RIN2: variants seen among roughly 807,000 people sequenced by gnomAD.
RIN2 encodes Ras and Rab interactor 2.
A neutral mutation model predicts 78.0 loss-of-function variants in RIN2; 36 were observed. The ratio of observed to expected loss-of-function variants is 0.46; its 90% CI spans 0.35 to 0.61. RIN2 has a LOEUF of 0.61. Among genes scored for constraint, RIN2 ranks in the 20% least tolerant of loss-of-function variants. The probability of loss-of-function intolerance (pLI) is 0.00; values close to 1 mark genes in which losing one functional copy is unlikely to be tolerated. For missense variants in RIN2, 1,087 were observed against 1,159.7 expected (o/e 0.94, Z 0.91); for synonymous variants, 466 against 466.8 (o/e 1.00, Z 0.02).
intron 3 of RIN2, among the ~76,000 whole-genome samples, chr20:19,927,077 G>A (rs1391001313): frequency 1.3e-5 from 2 of 152,114 alleles, no homozygotes; most frequent in Admixed American, 1.3e-4. Flanking sequence ...GAGCAGACAG[G>A]CAGGAGGAGA....
At chr20:19,836,465 G>A (rs1446628287) in intron 2 of RIN2, among the ~76,000 whole-genome samples, 1 of 152,060 alleles carries the variant, frequency 6.6e-6, no homozygotes, top group Non-Finnish European at 1.5e-5. Context: ...AGAAAAATTG[G>A]ACTAATTAGA....
At chr20:19,997,511 C>T (rs2043008079) in intron 12 of RIN2, among the ~76,000 whole-genome samples, 1 of 152,192 alleles carries the variant, frequency 6.6e-6, no homozygotes, top group African/African-American at 2.4e-5. Flanking sequence ...GTAATCCCAG[C>T]ACTTTGGGAG....
At chr20:19,950,607 T>A (rs539401408) in intron 4 of RIN2, among the ~76,000 whole-genome samples, 2 of 152,302 alleles carry the variant, frequency 1.3e-5, no homozygotes, top group African/African-American at 4.8e-5. Context: ...TTCAAACATG[T>A]TTATACTTTG....
rs1468512784 is a variant in RIN2 at position 19,889,145 on chromosome 20, C to G, written c.-36-421C>G. On this transcript the variant is annotated intron_variant, in intron 2 of 12. Transcript: ENST00000255006. ...GCAGAGCTAAGGATGACCTCACCCC[C>G]TTCCAGCAGGATTTCCTGGGATGTA... 7 of 985,356 alleles carry G rather than the reference C, an allele frequency of 7.1e-6. No individual in the cohort carries two copies. In the African/African-American group the frequency reaches 1.2e-4, roughly 17 times the overall value. 61.0% of individuals were successfully genotyped at this position (985,356 alleles called of 1,614,324 possible).
Position 19,975,755 on chromosome 20 carries a change from C to G in RIN2, c.1730C>G (p.Pro577Arg), listed in dbSNP as rs781233351. ...YLSQSSELDPPIESLIPEDQI... is the reference protein window; with the variant it reads ...YLSQSSELDPRIESLIPEDQI... Reference sequence around the variant, plus strand: ...TCTCAGAGCTCGGAGCTGGACCCCCCCATCGAGTCGCTGATCCCTGAAGAC... The same window carrying G: ...TCTCAGAGCTCGGAGCTGGACCCCCGCATCGAGTCGCTGATCCCTGAAGAC... Residue 577 changes from proline (P) to arginine (R), a missense_variant, in exon 9 of 13, where the codon CCC (proline) becomes CGC (arginine). Physicochemically the swap from Pro to Arg is moderately radical, Grantham distance 103. This residue lies in a region of RIN2 where 39 missense variants were observed against 34.9 expected (regional missense o/e 1.12). Transcript: ENST00000255006. The surrounding 1 kb of genome is among the most constrained non-coding windows in gnomAD (Gnocchi z 4.9). 3.7e-6 allele frequency: 6 copies of G among 1,612,022 alleles called. No individual in the cohort carries two copies. In the Admixed American group the frequency reaches 5.0e-5, roughly 13 times the overall value.
At chr20:19,938,229 T>C (rs1315134152) in intron 4 of RIN2, among the ~76,000 whole-genome samples, 1 of 152,104 alleles carries the variant, frequency 6.6e-6, no homozygotes, top group Non-Finnish European at 1.5e-5. Context: ...TTTTTGTTTG[T>C]TTGTTTTGAG....
chr20:19,997,557 G>A (rs768726249), intron 12 of RIN2, among the ~76,000 whole-genome samples: 2 of 152,118 alleles, frequency 1.3e-5, no homozygotes, highest in Non-Finnish European at 2.9e-5. Flanking sequence ...TCAGGAATTC[G>A]AGACCAGCCT....
intron 1 of RIN2, among the ~76,000 whole-genome samples, chr20:19,769,390 C>T (rs1214205191): frequency 6.6e-6 from 1 of 152,104 alleles, no homozygotes; most frequent in East Asian, 1.9e-4. Context: ...ACAGCACACA[C>T]CCTCACCACC....
At chr20:19,778,745 G>T (rs1403134193) in intron 1 of RIN2, among the ~76,000 whole-genome samples, 3 of 152,162 alleles carry the variant, frequency 2.0e-5, no homozygotes, top group African/African-American at 4.8e-5. Flanking sequence ...TTGGAGGAAG[G>T]ACACCTGTTC....
Position 19,975,765 on chromosome 20 carries a change from G to A in RIN2, c.1740G>A (p.Ser580=). The stretch of plus-strand genomic sequence containing the variant: ...CGGAGCTGGACCCCCCCATCGAGTC[G>A]CTGATCCCTGAAGACCAAATAGGTA... ...QSSELDPPIE[S]LIPEDQIDVV... The change falls in exon 9 of 13, where the codon TCG becomes TCA. Residue 580 remains serine, a synonymous_variant. Transcript: ENST00000255006. The surrounding 1 kb of genome is among the most constrained non-coding windows in gnomAD (Gnocchi z 4.9). The A allele has an allele frequency of 1.9e-6, 3 of 1,611,112 alleles. No homozygotes were observed. The highest frequency in any genetic ancestry group is 1.7e-6 in the Non-Finnish European group (2 of 1,178,798).
chr20:19,969,045 C>G (rs141180613), intron 7 of RIN2, among the ~76,000 whole-genome samples: 2 of 152,254 alleles, frequency 1.3e-5, no homozygotes, highest in East Asian at 3.9e-4. Flanking sequence ...AGAACAGCAG[C>G]CTCCTGGCTT....
At chr20:19,926,122 C>T (rs1324153227) in intron 3 of RIN2, among the ~76,000 whole-genome samples, 1 of 152,146 alleles carries the variant, frequency 6.6e-6, no homozygotes, top group East Asian at 1.9e-4. Flanking sequence ...GGAGAAAACA[C>T]AGATGATACC....
chr20:19,805,783 T>C (rs1270975243), intron 2 of RIN2, among the ~76,000 whole-genome samples: 1 of 151,986 alleles, frequency 6.6e-6, no homozygotes, highest in African/African-American at 2.4e-5. Flanking sequence ...GTTTGTTACA[T>C]AGGTATACAT....
At chr20:19,844,056 G>C (rs553009730) in intron 2 of RIN2, among the ~76,000 whole-genome samples, 1 of 151,944 alleles carries the variant, frequency 6.6e-6, no homozygotes, top group South Asian at 2.1e-4. Context: ...CAATATGATG[G>C]TAAATCATAT....
intron 3 of RIN2, among the ~76,000 whole-genome samples, chr20:19,918,897 T>C (rs1345018001): frequency 1.3e-5 from 2 of 152,234 alleles, no homozygotes; most frequent in African/African-American, 2.4e-5. Flanking sequence ...GGCATAGTTA[T>C]ATTTGCTGTA....
At chr20:19,864,410 G>A (rs1213292193) in intron 2 of RIN2, among the ~76,000 whole-genome samples, 2 of 152,074 alleles carry the variant, frequency 1.3e-5, no homozygotes, top group African/African-American at 2.4e-5. Context: ...AGATCATGAC[G>A]CTTGGCTCTA....
At chr20:19,992,354 T>A in intron 11 of RIN2, 55 bp downstream of exon 11, 1 of 1,495,080 alleles carries the variant, frequency 6.7e-7, no homozygotes. Context: ...TTCATTTTTT[T>A]ATAATTGAGA....
chr20:19,982,360 G>A (rs1285236027), intron 9 of RIN2, among the ~76,000 whole-genome samples: 1 of 152,166 alleles, frequency 6.6e-6, no homozygotes, highest in Non-Finnish European at 1.5e-5. Flanking sequence ...GAGTGCCTCT[G>A]CAACCCCAGG....
intron 2 of RIN2, among the ~76,000 whole-genome samples, chr20:19,830,560 A>T (rs945621036): frequency 3.3e-5 from 5 of 152,244 alleles, no homozygotes; most frequent in Non-Finnish European, 5.9e-5. Flanking sequence ...ACTCAAGGCC[A>T]GTCATTCAGT....
Sources: allele counts gnomAD v4.1 joint callset (sites outside exome capture counted in the v4.1 genomes callset), GRCh38; gene constraint gnomAD v4.1.1; regional missense constraint gnomAD v4.1.1; non-coding constraint Gnocchi (gnomAD v3.1); transcripts MANE v1.5; gene names NCBI Gene and HGNC (gene_info 2026-07-23, HGNC 2026-07-21).